The following BCKDHB variants were observed in gnomAD, a reference collection of about 807,000 sequenced individuals.
The protein encoded by BCKDHB is 2-oxoisovalerate dehydrogenase subunit beta, mitochondrial.
BCKDHB carries 41 observed loss-of-function variants against 48.5 expected under a neutral mutation model. The observed-to-expected ratio is 0.85, with a 90% CI of 0.66 to 1.10. BCKDHB has a LOEUF of 1.10. BCKDHB is among the 50% of genes least tolerant of loss of function. BCKDHB has a pLI of 0.00. For synonymous variants in BCKDHB, 201 were observed against 174.8 expected (o/e 1.15, Z -1.18); for missense variants, 496 against 494.2 (o/e 1.00, Z -0.03).
At chr6:80,264,165 G>T (rs1389197918) in intron 8 of BCKDHB, among the ~76,000 whole-genome samples, 7 of 151,996 alleles carry the variant, frequency 4.6e-5, no homozygotes, top group African/African-American at 1.7e-4. Context: ...TTTCTTTCTT[G>T]GGTATGCTTT....
At chr6:80,165,701 T>G (rs1388730280) in intron 3 of BCKDHB, among the ~76,000 whole-genome samples, 1 of 152,178 alleles carries the variant, frequency 6.6e-6, no homozygotes, top group Non-Finnish European at 1.5e-5. Context: ...CTAATAAAAT[T>G]GTACCTAGTG....
chr6:80,415,976 A>G, the BCKDHB span, among the ~76,000 whole-genome samples: 2 of 151,730 alleles, frequency 1.3e-5, no homozygotes, highest in South Asian at 4.2e-4. Context: ...TCAGAAATTC[A>G]ATTTCTTCCT....
At chr6:80,452,941 C>T in the BCKDHB span, among the ~76,000 whole-genome samples, 5 of 152,238 alleles carry the variant, frequency 3.3e-5, no homozygotes, top group South Asian at 8.3e-4. Context: ...TTGTCTGCCA[C>T]GAATTACATT....
At chr6:80,437,882 A>G in the BCKDHB span, among the ~76,000 whole-genome samples, 1 of 152,224 alleles carries the variant, frequency 6.6e-6, no homozygotes, top group South Asian at 2.1e-4. Context: ...TTGAATTGAA[A>G]AGTGATAGTT....
the BCKDHB span, among the ~76,000 whole-genome samples, chr6:80,389,000 G>A: frequency 6.6e-6 from 1 of 152,214 alleles, no homozygotes; most frequent in Non-Finnish European, 1.5e-5. Flanking sequence ...CAGGGACTTG[G>A]AAGAAGCATG....
chr6:80,114,058 A>G (rs1168615464), intron 1 of BCKDHB, among the ~76,000 whole-genome samples: 9 of 151,968 alleles, frequency 5.9e-5, no homozygotes, highest in Admixed American at 5.9e-4. Context: ...AAGGGGCAGG[A>G]GGGTTGCAAA....
chr6:80,398,472 C>G, the BCKDHB span, among the ~76,000 whole-genome samples: 2 of 151,972 alleles, frequency 1.3e-5, no homozygotes, highest in African/African-American at 2.4e-5. Context: ...AACCAGAAAA[C>G]AAGAAGATAT....
chr6:80,420,741 G>T, the BCKDHB span, among the ~76,000 whole-genome samples: 1 of 152,174 alleles, frequency 6.6e-6, no homozygotes, highest in Non-Finnish European at 1.5e-5. Context: ...AGTGGTCCCA[G>T]ACTATTCAGC....
the BCKDHB span, among the ~76,000 whole-genome samples, chr6:80,441,414 A>T: frequency 4.1e-3 from 627 of 152,298 alleles, 2 homozygotes; most frequent in African/African-American, 0.014. Flanking sequence ...GCAAAACTGA[A>T]AGAGGTTAAT....
intron 1 of BCKDHB, among the ~76,000 whole-genome samples, chr6:80,120,638 C>T (rs1315737243): frequency 6.6e-6 from 1 of 152,118 alleles, no homozygotes; most frequent in Non-Finnish European, 1.5e-5. Flanking sequence ...TCTCATGTGT[C>T]TGTTGGCTGC....
At chr6:80,445,469 T>C in the BCKDHB span, among the ~76,000 whole-genome samples, 1 of 152,020 alleles carries the variant, frequency 6.6e-6, no homozygotes, top group African/African-American at 2.4e-5. Context: ...CACAGCTGAG[T>C]GAGACTCAAT....
chr6:80,389,860 TC>T, the BCKDHB span, among the ~76,000 whole-genome samples: 1 of 151,986 alleles, frequency 6.6e-6, no homozygotes, highest in African/African-American at 2.4e-5. Context: ...GATTTATGGG[TC>T]CAGGAATCAA....
intron 8 of BCKDHB, among the ~76,000 whole-genome samples, chr6:80,269,167 A>G (rs552841084): frequency 6.6e-6 from 1 of 152,264 alleles, no homozygotes; most frequent in African/African-American, 2.4e-5. Context: ...ACGTTTGGGT[A>G]GAAAGAAAAT....
chr6:80,208,196 C>T (rs73748711), intron 8 of BCKDHB, among the ~76,000 whole-genome samples: 3,018 of 151,752 alleles, frequency 0.02, 94 homozygotes, highest in African/African-American at 0.069. Flanking sequence ...AGAAAAGCCT[C>T]GACTTCCTAC....
intron 9 of BCKDHB, among the ~76,000 whole-genome samples, chr6:80,319,770 G>A (rs806839): frequency 0.91 from 138,317 of 152,270 alleles, 62,890 homozygotes; most frequent in East Asian, 0.99. Flanking sequence ...AATCTAAAAG[G>A]AACTTTGATT....
the BCKDHB span, among the ~76,000 whole-genome samples, chr6:80,395,080 A>G: frequency 6.6e-6 from 1 of 152,170 alleles, no homozygotes; most frequent in Non-Finnish European, 1.5e-5. Flanking sequence ...TTCATCATAA[A>G]TTACCCAGTC....
At chr6:80,448,092 A>G in the BCKDHB span, among the ~76,000 whole-genome samples, 17 of 152,302 alleles carry the variant, frequency 1.1e-4, no homozygotes, top group Admixed American at 3.3e-4. Flanking sequence ...ACTGGGTGGT[A>G]TATCTGAAGA....
At chr6:80,421,394 A>G in the BCKDHB span, among the ~76,000 whole-genome samples, 1 of 152,236 alleles carries the variant, frequency 6.6e-6, no homozygotes, top group Non-Finnish European at 1.5e-5. Context: ...ACAGACTAAT[A>G]CAGAGAATTA....
At chr6:80,182,817 C>G (rs1319470933) in intron 6 of BCKDHB, among the ~76,000 whole-genome samples, 2 of 152,092 alleles carry the variant, frequency 1.3e-5, no homozygotes, top group African/African-American at 2.4e-5. Flanking sequence ...TGTACACACA[C>G]AAATAATACA....
Sources: allele counts gnomAD v4.1 joint callset (sites outside exome capture counted in the v4.1 genomes callset), GRCh38; gene constraint gnomAD v4.1.1; transcripts MANE v1.5; gene names NCBI Gene and HGNC (gene_info 2026-07-23, HGNC 2026-07-21).